The following MED23 variants were observed in gnomAD, a reference collection of about 807,000 sequenced individuals.
The protein encoded by MED23 is mediator of RNA polymerase II transcription subunit 23.
In MED23, 105 loss-of-function variants were observed where a neutral mutation model predicts 163.9. That is an observed-to-expected ratio of 0.64 (90% CI 0.55 to 0.75). The LOEUF (loss-of-function observed/expected upper bound fraction) is 0.75. Among genes scored for constraint, MED23 ranks in the 30% least tolerant of loss-of-function variants. The pLI, the probability that MED23 is intolerant of heterozygous loss-of-function variation, is 0.00. For missense variants in MED23, 1,054 were observed against 1,649.0 expected (o/e 0.64, Z 6.25); for synonymous variants, 561 against 565.6 (o/e 0.99, Z 0.12).
At position 131,593,110 on chromosome 6, in the gene MED23, G is replaced by A. The variant is rs1351958426; in HGVS notation, c.3294C>T (p.Pro1098=). The change falls in exon 24 of 29, where the codon CCC becomes CCT. Residue 1098 remains proline (P), a synonymous_variant. Transcript: ENST00000368068. ...CATGGAGAGCATGGGCAGCTGGGTTGGGAAACTCATTGAATCTCCAGTCAC... is the reference window on the plus strand; with the variant it reads ...CATGGAGAGCATGGGCAGCTGGGTTAGGAAACTCATTGAATCTCCAGTCAC... ...PNCDWRFNEF[P]NPAAHALHVT... 1.2e-6 allele frequency: 2 copies of A among 1,614,194 alleles called. No homozygotes were observed.
intron 10 of MED23, 72 bp downstream of exon 10, chr6:131,615,835 T>C: frequency 4.5e-6 from 5 of 1,120,668 alleles, no homozygotes; most frequent in Non-Finnish European, 6.8e-6. Context: ...CAGTTAGCTA[T>C]AGCAAAGAAA....
At position 131,620,525 on chromosome 6, in the gene MED23, T is replaced by G. The variant is rs549686716; in HGVS notation, c.597+103A>C. 39 of 780,168 alleles carry G rather than the reference T, an allele frequency of 5.0e-5. No homozygotes were observed. The African/African-American group carries it at 6.2e-4, about 12-fold the overall frequency. The allele number at this position is 780,168 out of a possible 1,614,324, so 48.3% of individuals were successfully genotyped here. Reference sequence around the variant, plus strand: ...ATGTTACCCAGGTTGGGTCTTGAACTCTTGTCCTCAAATCATCTTCCCACC... The same window carrying G: ...ATGTTACCCAGGTTGGGTCTTGAACGCTTGTCCTCAAATCATCTTCCCACC... On this transcript the variant is annotated intron_variant, in intron 7 of 28. Transcript: ENST00000368068.
intron 8 of MED23, among the ~76,000 whole-genome samples, chr6:131,619,325 GA>G (rs1321591892): frequency 6.6e-6 from 1 of 152,140 alleles, no homozygotes; most frequent in Non-Finnish European, 1.5e-5. Flanking sequence ...ATGATTTCTA[GA>G]AATAATTAAA....
At chr6:131,583,681 T>C, downstream of MED23, 1 of 1,573,674 alleles carries the variant, frequency 6.4e-7, no homozygotes, top group Non-Finnish European at 8.7e-7. Flanking sequence ...CAAGTCTGTC[T>C]GTACTACTTT....
intron 7 of MED23, 48 bp downstream of exon 7, chr6:131,620,580 A>G (rs779878097): frequency 1.5e-5 from 21 of 1,371,064 alleles, no homozygotes; most frequent in Non-Finnish European, 2.0e-5. Context: ...TGAGCCACGA[A>G]GCCCAGCCGA....
At chr6:131,627,825 G>A (rs777851309) in intron 1 of MED23, among the ~76,000 whole-genome samples, 153 bp from the exon 2 acceptor site, 3 of 152,144 alleles carry the variant, frequency 2.0e-5, no homozygotes, top group Non-Finnish European at 4.4e-5. Context: ...CGATTTCAAA[G>A]GATACAATGA....
chr6:131,575,007 T>C (rs1397145477), intron 30 of MED23, among the ~76,000 whole-genome samples: 1 of 152,172 alleles, frequency 6.6e-6, no homozygotes, highest in Non-Finnish European at 1.5e-5. Context: ...TGTGGCCATT[T>C]AGGGATTGGG....
intron 28 of MED23, among the ~76,000 whole-genome samples, chr6:131,588,660 C>T (rs1774351371): frequency 6.6e-6 from 1 of 152,170 alleles, no homozygotes; most frequent in Non-Finnish European, 1.5e-5. Context: ...ACCTCCTTGG[C>T]ATCTCAACCT....
At chr6:131,581,271 GT>G in intron 30 of MED23, 1 of 1,613,918 alleles carries the variant, frequency 6.2e-7, no homozygotes, top group Non-Finnish European at 8.5e-7. Context: ...TGATCTTGGA[GT>G]CATCTGGGTG....
chr6:131,613,088 T>A (rs1776397605), intron 10 of MED23, among the ~76,000 whole-genome samples: 1 of 151,322 alleles, frequency 6.6e-6, no homozygotes, highest in Admixed American at 6.6e-5. Flanking sequence ...ACCAAGAAAG[T>A]TACCCATAAT....
At chr6:131,606,803 T>A (rs2114677773) in intron 12 of MED23, among the ~76,000 whole-genome samples, 179 bp from the exon 13 acceptor site, 1 of 152,318 alleles carries the variant, frequency 6.6e-6, no homozygotes, top group African/African-American at 2.4e-5. Flanking sequence ...TTTGAAATTA[T>A]TACAAGATGC....
chr6:131,579,316 C>G, intron 30 of MED23: 6 of 1,610,958 alleles, frequency 3.7e-6, no homozygotes, highest in Non-Finnish European at 5.1e-6. Flanking sequence ...CTATGGGAAT[C>G]TGGCACAAAG....
Position 131,628,006 on chromosome 6 carries a change from C to T in MED23, c.39+5G>A, listed in dbSNP as rs1223582309. 1.2e-6 allele frequency: 2 copies of T among 1,614,014 alleles called. No individual in the cohort carries two copies. The highest frequency in any genetic ancestry group is 1.7e-5 in the Admixed American group (1 of 60,030). ...TAGTCCTGGATGGCCGGCAGCTGCA[C>T]TCACCACCACCTCTTCGAAAATGCT... On this transcript the variant is annotated splice_donor_5th_base_variant and intron_variant, in intron 1 of 28. Transcript: ENST00000368068.
chr6:131,612,263 T>C (rs965747842), intron 10 of MED23, among the ~76,000 whole-genome samples: 2 of 151,650 alleles, frequency 1.3e-5, no homozygotes, highest in African/African-American at 4.8e-5. Context: ...TGTTGCTTTA[T>C]CTGCAAATTT....
At chr6:131,615,810 C>T in intron 10 of MED23, 97 bp downstream of exon 10, 1 of 843,642 alleles carries the variant, frequency 1.2e-6, no homozygotes, top group Non-Finnish European at 2.0e-6. Flanking sequence ...CTAAATAGTT[C>T]TTAACTGTTT....
chr6:131,606,827 T>C (rs181463748), intron 12 of MED23, among the ~76,000 whole-genome samples: 103 of 152,336 alleles, frequency 6.8e-4, no homozygotes, highest in Non-Finnish European at 1.1e-3. Flanking sequence ...ATTTGGTATA[T>C]GTTTTTACTT....
Position 131,586,823 on chromosome 6 carries a change from T to C in MED23, c.*856A>G, listed in dbSNP as rs1038290543. On this transcript the variant is annotated 3_prime_UTR_variant, in exon 29 of 29. Coordinates refer to ENST00000368068, the MANE Select transcript of MED23 (RefSeq NM_004830.4). ...ATGCCAATTCCCCCAAAATTAACAA[T>C]GTCTCTCAAAATCCAAGAAATAAAA... is the stretch of plus-strand genomic sequence containing the variant. The C allele has an allele frequency of 3.9e-6, 6 of 1,519,638 alleles. No homozygotes were observed. In the African/African-American group the frequency reaches 4.1e-5, roughly 11 times the overall value. The allele number at this position is 1,519,638 out of a possible 1,614,324, so 94.1% of individuals were successfully genotyped here. A position where few individuals can be genotyped will look rare whatever the true frequency, so the allele number is the denominator to read the frequency against.
chr6:131,621,814 C>A, intron 6 of MED23, 67 bp downstream of exon 6: 1 of 1,027,074 alleles, frequency 9.7e-7, no homozygotes, highest in Non-Finnish European at 1.4e-6. Context: ...GTATTAAAAG[C>A]ACAGACCTAA....
At chr6:131,593,353 G>A (rs1774793947) in intron 23 of MED23, among the ~76,000 whole-genome samples, 182 bp from the exon 24 acceptor site, 1 of 152,128 alleles carries the variant, frequency 6.6e-6, no homozygotes, top group Non-Finnish European at 1.5e-5. Context: ...TTAACCACAG[G>A]TATAAATGGT....
Sources: gnomAD v4.1 joint callset for allele counts (sites outside exome capture counted in the v4.1 genomes callset) on GRCh38, gnomAD v4.1.1 for gene constraint, MANE v1.5 for transcripts, NCBI Gene and HGNC (gene_info 2026-07-23, HGNC 2026-07-21) for gene names.